The following WDR47 variants were observed in gnomAD, a reference collection of about 807,000 sequenced individuals.
WDR47 encodes the protein WD repeat domain 47.
Under a neutral mutation model 97.2 loss-of-function variants are expected in WDR47, and 32 were observed. The observed-to-expected ratio is 0.33, with a 90% CI of 0.25 to 0.44. The LOEUF is 0.44. Ranked by LOEUF, WDR47 falls within the 20% of genes least tolerant of loss-of-function variation. The pLI is 1.00. For missense variants in WDR47, 782 were observed against 1,102.3 expected (o/e 0.71, Z 4.11); for synonymous variants, 375 against 373.5 (o/e 1.00, Z -0.05).
intron 5 of WDR47, among the ~76,000 whole-genome samples, chr1:109,009,813 C>T (rs1040750627): frequency 1.3e-5 from 2 of 151,924 alleles, no homozygotes; most frequent in South Asian, 2.1e-4. Flanking sequence ...GCCTGGCCAA[C>T]GTGGTAAAAC....
At chr1:109,015,547 C>T (rs912648431) in intron 3 of WDR47, among the ~76,000 whole-genome samples, 5 of 151,940 alleles carry the variant, frequency 3.3e-5, no homozygotes, top group African/African-American at 9.6e-5. Context: ...AGGCTGGTCT[C>T]CAACTCCTGA....
chr1:109,017,859 G>A (rs1661533533), intron 2 of WDR47, among the ~76,000 whole-genome samples: 1 of 151,220 alleles, frequency 6.6e-6, no homozygotes, highest in Admixed American at 6.6e-5. Context: ...CGATTCTCCT[G>A]CCTCAGACAC....
chr1:109,027,088 C>A (rs490208), intron 1 of WDR47, among the ~76,000 whole-genome samples: 3 of 152,004 alleles, frequency 2.0e-5, no homozygotes, highest in Non-Finnish European at 2.9e-5. Context: ...GCAGAGTCTC[C>A]CTCTGTTGCC....
chr1:108,988,766 T>A (rs1353833122), intron 9 of WDR47, among the ~76,000 whole-genome samples: 24 of 150,196 alleles, frequency 1.6e-4, no homozygotes, highest in Admixed American at 1.6e-3. Context: ...CATTTCTACT[T>A]TTTTTTTTTG....
intron 14 of WDR47, among the ~76,000 whole-genome samples, chr1:108,973,927 C>T (rs1657681357): frequency 6.6e-6 from 1 of 150,746 alleles, no homozygotes; most frequent in African/African-American, 2.4e-5. Flanking sequence ...GGCATGATGG[C>T]TCACGCCTAT....
intron 2 of WDR47, among the ~76,000 whole-genome samples, chr1:109,018,397 C>G (rs1240123845): frequency 1.3e-5 from 2 of 149,570 alleles, no homozygotes; most frequent in East Asian, 3.9e-4. Context: ...GATCACGCCA[C>G]TGCACTCTAG....
intron 7 of WDR47, among the ~76,000 whole-genome samples, chr1:108,997,532 G>A (rs1467584466): frequency 1.3e-5 from 2 of 151,722 alleles, no homozygotes; most frequent in South Asian, 2.1e-4. Flanking sequence ...CGAGGCGGGC[G>A]GATCACGAGG....
chr1:108,989,534 A>T (rs1659150995), intron 9 of WDR47, among the ~76,000 whole-genome samples: 1 of 152,168 alleles, frequency 6.6e-6, no homozygotes, highest in Non-Finnish European at 1.5e-5. Flanking sequence ...TACACAGGGA[A>T]TGTGACTGTT....
chr1:109,023,332 T>C, intron 2 of WDR47, 23 bp downstream of exon 2: 6 of 1,603,404 alleles, frequency 3.7e-6, no homozygotes, highest in African/African-American at 1.3e-5. Flanking sequence ...AGCTACAAAC[T>C]TCACAGTATA....
At chr1:109,008,462 C>G (rs1241634299) in intron 5 of WDR47, among the ~76,000 whole-genome samples, 1 of 152,030 alleles carries the variant, frequency 6.6e-6, no homozygotes, top group Non-Finnish European at 1.5e-5. Flanking sequence ...GGGGTTTCAC[C>G]ACATTGGCCA....
chr1:108,971,476 G>T lies in WDR47; in HGVS notation c.2714C>A (p.Ser905Ter). 6.2e-7 allele frequency: 1 copy of T among 1,614,194 alleles called. No individual in the cohort carries two copies. The highest frequency in any genetic ancestry group is 8.5e-7 in the Non-Finnish European group (1 of 1,180,034). The change falls in exon 15 of 15, where the codon TCA becomes TAA. Residue 905 changes from serine (S) to a stop codon, truncating the protein, a stop_gained. Coordinates refer to ENST00000369962, the MANE Select transcript of WDR47 (RefSeq NM_001142551.2). LOFTEE classifies it high-confidence loss of function. ...GGTGACAGTTCTATCTGCAGAGGAT[G>T]ACAGGAAGGAAAGATCCTGGGTGTG... ...RWHTQDLSFL[S>*]SSADRTVTLW...
intron 1 of WDR47, among the ~76,000 whole-genome samples, chr1:109,037,700 C>G (rs1571270916): frequency 6.8e-6 from 1 of 147,698 alleles, no homozygotes; most frequent in Non-Finnish European, 1.5e-5. Context: ...GTTCCATTTT[C>G]TTTTTCATCA....
At chr1:108,978,710 A>C (rs1260246677) in intron 13 of WDR47, among the ~76,000 whole-genome samples, 1 of 152,186 alleles carries the variant, frequency 6.6e-6, no homozygotes, top group South Asian at 2.1e-4. Flanking sequence ...AATACCCAGA[A>C]AGGTAAGAGA....
intron 5 of WDR47, among the ~76,000 whole-genome samples, chr1:109,010,208 C>A (rs1445607177): frequency 1.5e-4 from 23 of 151,946 alleles, no homozygotes; most frequent in Admixed American, 1.4e-3. Context: ...AAATTTTAAA[C>A]CTTTACTAAA....
intron 5 of WDR47, among the ~76,000 whole-genome samples, chr1:109,005,612 C>T (rs923113318): frequency 1.3e-5 from 2 of 152,140 alleles, no homozygotes; most frequent in Admixed American, 6.5e-5. Flanking sequence ...CAGTGGCTTA[C>T]GCCTGTAATC....
In WDR47 at chr1:108,981,876, C is replaced by G. The variant is rs1658369759; in HGVS notation, c.2267-12G>C. ...TGCTAAAATATGCCCTATAAAAGAT[C>G]ATATACTCAATTATTAAGGTGGGAG... is the stretch of plus-strand genomic sequence containing the variant. On this transcript the variant is annotated splice_polypyrimidine_tract_variant and intron_variant, in intron 12 of 14. Coordinates refer to ENST00000369962, the MANE Select transcript of WDR47 (RefSeq NM_001142551.2). The G allele has an allele frequency of 6.2e-7, 1 of 1,607,754 alleles. No homozygotes were observed. The highest frequency in any genetic ancestry group is 1.3e-5 in the African/African-American group (1 of 74,642).
intron 4 of WDR47, among the ~76,000 whole-genome samples, chr1:109,013,464 C>G (rs1661190954): frequency 2.0e-5 from 3 of 151,614 alleles, no homozygotes; most frequent in African/African-American, 4.8e-5. Context: ...AAAAAACTAT[C>G]TCTGGATCAA....
intron 13 of WDR47, among the ~76,000 whole-genome samples, chr1:108,980,143 T>C (rs1032485057): frequency 6.9e-6 from 1 of 144,810 alleles, no homozygotes; most frequent in East Asian, 2.3e-4. Context: ...ATGGAAAAAC[T>C]GTCTTCCACG....
chr1:108,978,359 G>C (rs1658086700), intron 13 of WDR47, among the ~76,000 whole-genome samples: 1 of 151,914 alleles, frequency 6.6e-6, no homozygotes, highest in Admixed American at 6.6e-5. Flanking sequence ...GGCGCCTGTA[G>C]TCCCAGCTAC....
Sources: allele counts gnomAD v4.1 joint callset (sites outside exome capture counted in the v4.1 genomes callset), GRCh38; gene constraint gnomAD v4.1.1; transcripts MANE v1.5; gene names NCBI Gene and HGNC (gene_info 2026-07-23, HGNC 2026-07-21).